PNKD: variants seen among roughly 807,000 people sequenced by gnomAD.
PNKD encodes probable thioesterase PNKD.
Under a neutral mutation model 45.3 loss-of-function variants are expected in PNKD, and 36 were observed. The ratio of observed to expected loss-of-function variants is 0.80; its 90% CI spans 0.61 to 1.05. The LOEUF (loss-of-function observed/expected upper bound fraction) is 1.05. Ranked by LOEUF, PNKD falls within the 50% of genes least tolerant of loss-of-function variation. The pLI is 0.00. For missense variants in PNKD, 511 were observed against 506.6 expected (o/e 1.01, Z -0.08); for synonymous variants, 197 against 210.1 (o/e 0.94, Z 0.54).
chr2:218,341,007 A>G (rs1416547644), intron 5 of PNKD: 1 of 600,364 alleles, frequency 1.7e-6, no homozygotes, highest in Non-Finnish European at 3.0e-6. Context: ...CAGGGCAGTC[A>G]TTTCTCTTTC....
At chr2:218,324,270 C>G (rs929793730) in intron 2 of PNKD, among the ~76,000 whole-genome samples, 1 of 152,226 alleles carries the variant, frequency 6.6e-6, no homozygotes, top group Non-Finnish European at 1.5e-5. Flanking sequence ...GGACCTCAAG[C>G]CCCAGTTTAG....
intron 9 of PNKD, 35 bp downstream of exon 9, chr2:218,344,605 G>A (rs368846390): frequency 1.5e-5 from 23 of 1,541,876 alleles, no homozygotes; most frequent in Non-Finnish European, 2.0e-5. Flanking sequence ...AGCTGTGTGG[G>A]CAGGCACTCA....
chr2:218,336,229 G>A (rs1303956538), intron 2 of PNKD, among the ~76,000 whole-genome samples: 13 of 64,650 alleles, frequency 2.0e-4, no homozygotes, highest in Admixed American at 4.4e-4. Context: ...AAAAAAAAAA[G>A]TTTGGAAAAA....
chr2:218,340,034 A>G lies in PNKD; in HGVS notation c.358A>G (p.Lys120Glu). 6.2e-7 allele frequency: 1 copy of G among 1,608,308 alleles called. No individual in the cohort carries two copies. The highest frequency in any genetic ancestry group is 8.5e-7 in the Non-Finnish European group (1 of 1,174,862). The stretch of plus-strand genomic sequence containing the variant: ...CAGCCCATCTCTGTCCCCAGGAGTG[A>G]AGGTGCTTCCCATCCCTGTCCTCTC... ...KTQPRLFNGV[K>E]VLPIPVLSDN... is the part of the protein sequence containing the mutation. Residue 120 changes from lysine (K) to glutamate (E), a missense_variant, in exon 4 of 10, where the codon AAG becomes GAG. By Grantham distance (56) the Lys-to-Glu change is moderately conservative. Coordinates refer to ENST00000273077, the MANE Select transcript of PNKD (RefSeq NM_015488.5). The surrounding 1 kb of genome is among the most constrained non-coding windows in gnomAD (Gnocchi z 4.2).
chr2:218,336,776 T>G (rs952099900), intron 2 of PNKD, among the ~76,000 whole-genome samples: 3 of 143,602 alleles, frequency 2.1e-5, no homozygotes, highest in African/African-American at 7.8e-5. Context: ...TCACCACACC[T>G]GGCCTTCAAT....
At chr2:218,283,623 T>C (rs1198910694) in intron 2 of PNKD, among the ~76,000 whole-genome samples, 1 of 152,220 alleles carries the variant, frequency 6.6e-6, no homozygotes, top group African/African-American at 2.4e-5. Context: ...TCAGAGGCTC[T>C]GCTGGAAGCA....
chr2:218,308,188 ATTT>A (rs36099207), intron 2 of PNKD, among the ~76,000 whole-genome samples: 4 of 137,584 alleles, frequency 2.9e-5, no homozygotes, highest in Non-Finnish European at 1.6e-5. Flanking sequence ...AGCATTTTAG[ATTT>A]TTTTTTTTTT....
At chr2:218,337,368 C>T (rs1442033674) in intron 2 of PNKD, among the ~76,000 whole-genome samples, 2 of 152,156 alleles carry the variant, frequency 1.3e-5, no homozygotes, top group African/African-American at 4.8e-5. Flanking sequence ...CCACCGCGCC[C>T]GGCCTTCAAT....
chr2:218,296,144 G>A (rs1693134989), intron 2 of PNKD, among the ~76,000 whole-genome samples: 1 of 152,122 alleles, frequency 6.6e-6, no homozygotes, highest in East Asian at 1.9e-4. Flanking sequence ...CGCTGCGCCC[G>A]GCCAAACAAT....
chr2:218,272,922 G>A (rs901940719), intron 2 of PNKD: 86 of 1,505,408 alleles, frequency 5.7e-5, no homozygotes, highest in Middle Eastern at 2.4e-4. Context: ...GGCAAATAAA[G>A]TTATTGAGTG....
rs1694798316 is a variant in PNKD, at chr2:218,345,163, G to A, written c.*182G>A. 1.6e-6 allele frequency: 1 copy of A among 608,192 alleles called. No homozygotes were observed. The allele number at this position is 608,192 out of a possible 1,614,324, so 37.7% of individuals were successfully genotyped here. On this transcript the variant is annotated 3_prime_UTR_variant, in exon 10 of 10. Coordinates refer to ENST00000273077, the MANE Select transcript of PNKD (RefSeq NM_015488.5). The stretch of plus-strand genomic sequence containing the variant: ...ATGAGACTGTGAGGCCAAAAGAAGG[G>A]GGCCTGTTGGAGGCTGGGAACCCCG...
intron 2 of PNKD, among the ~76,000 whole-genome samples, chr2:218,297,706 A>C (rs72949441): frequency 0.48 from 56,143 of 116,710 alleles, 15,453 homozygotes; most frequent in South Asian, 0.58. Context: ...AAAAAAAAAA[A>C]AGAGAGAAGA....
At chr2:218,298,286 C>T (rs970330726) in intron 2 of PNKD, among the ~76,000 whole-genome samples, 2 of 152,148 alleles carry the variant, frequency 1.3e-5, no homozygotes, top group African/African-American at 4.8e-5. Context: ...CATGCACGTT[C>T]CCTTGGGGAT....
rs145367665 is a variant in PNKD, at chr2:218,301,658, G to A, written c.236+30109G>A. Among the ~76,000 whole-genome samples, 69 of 152,248 alleles carry A rather than the reference G, an allele frequency of 4.5e-4. No individual in the cohort carries two copies. The East Asian group carries it at 0.01, about 23-fold the overall frequency. ...AAACATTAGCTGGGCATGGTTGTGC[G>A]TGCCTGTAGTCCCAGCTACTTGGAA... On this transcript the variant is annotated intron_variant, in intron 2 of 9. Coordinates refer to ENST00000273077, the MANE Select transcript of PNKD (RefSeq NM_015488.5).
At chr2:218,277,164 C>G (rs1212902744) in intron 2 of PNKD, 2 of 1,448,266 alleles carry the variant, frequency 1.4e-6, no homozygotes, top group Admixed American at 3.4e-5. Flanking sequence ...TCAGACTGGC[C>G]CTGCCAGGGA....
At chr2:218,293,580 C>T (rs1423020494) in intron 2 of PNKD, among the ~76,000 whole-genome samples, 2 of 98,676 alleles carry the variant, frequency 2.0e-5, no homozygotes, top group Non-Finnish European at 3.8e-5. Flanking sequence ...ACTGAATGTC[C>T]TTTTTTTTTT....
chr2:218,275,290 C>T (rs1426893124), intron 2 of PNKD: 1 of 689,926 alleles, frequency 1.4e-6, no homozygotes, highest in African/African-American at 1.8e-5. Flanking sequence ...CCTAGCTCCT[C>T]CGTCCCCACC....
intron 2 of PNKD, among the ~76,000 whole-genome samples, chr2:218,339,479 G>A (rs900661606): frequency 6.6e-6 from 1 of 151,718 alleles, no homozygotes; most frequent in Non-Finnish European, 1.5e-5. Flanking sequence ...GCCCACCTCG[G>A]CCTCCCAAAG....
chr2:218,312,523 G>A lies in PNKD; in HGVS notation c.237-27260G>A, dbSNP rs12466876. 1.9e-4 allele frequency among the ~76,000 whole-genome samples: 27 copies of A among 142,036 alleles called. 2 individuals are homozygous for A. In the Admixed American group the frequency reaches 1.9e-3, roughly 10 times the overall value. 93.2% of individuals were successfully genotyped at this position (142,036 alleles called of 152,430 possible). ...AACAAGGAAAAAAGGGAGGGGTGAA[G>A]AATGGATATTGACCAACAGGATCTG... On this transcript the variant is annotated intron_variant, in intron 2 of 9. Transcript: ENST00000273077.
Sources: allele counts gnomAD v4.1 joint callset (sites outside exome capture counted in the v4.1 genomes callset), GRCh38; gene constraint gnomAD v4.1.1; non-coding constraint Gnocchi (gnomAD v3.1); transcripts MANE v1.5; gene names NCBI Gene and HGNC (gene_info 2026-07-23, HGNC 2026-07-21).